Variants in SRGAP3 observed in about 807,000 individuals in gnomAD.
SRGAP3 encodes SLIT-ROBO Rho GTPase-activating protein 3.
In SRGAP3, 39 loss-of-function variants were observed where a neutral mutation model predicts 121.1. The ratio of observed to expected loss-of-function variants is 0.32; its 90% CI spans 0.25 to 0.42. The LOEUF (loss-of-function observed/expected upper bound fraction) is 0.42, where lower values mean the gene tolerates loss of function less well. Among genes scored for constraint, SRGAP3 ranks in the 10% least tolerant of loss-of-function variants. The pLI is 1.00. For synonymous variants in SRGAP3, 601 were observed against 570.0 expected (o/e 1.05, Z -0.77); for missense variants, 1,213 against 1,470.6 (o/e 0.82, Z 2.86).
intron 18 of SRGAP3, among the ~76,000 whole-genome samples, chr3:8,995,394 T>C (rs1261185235): frequency 6.6e-6 from 1 of 152,146 alleles, no homozygotes; most frequent in East Asian, 1.9e-4. Flanking sequence ...GAAGATCACT[T>C]GAGCCTGGGA....
At chr3:9,248,515 A>C (rs541036654) in intron 1 of SRGAP3, among the ~76,000 whole-genome samples, 2 of 152,258 alleles carry the variant, frequency 1.3e-5, no homozygotes, top group African/African-American at 4.8e-5. Flanking sequence ...CCCAATATTA[A>C]AGGGCTTTTA....
chr3:9,329,994 C>T (rs984552282), intron 2 of SRGAP3, among the ~76,000 whole-genome samples: 9 of 152,172 alleles, frequency 5.9e-5, no homozygotes, highest in Admixed American at 5.9e-4. Flanking sequence ...TGGAATGTTC[C>T]ACTGCAAGTT....
intron 3 of SRGAP3, among the ~76,000 whole-genome samples, chr3:9,260,951 C>T (rs1490345163): frequency 6.6e-6 from 1 of 152,206 alleles, no homozygotes; most frequent in Non-Finnish European, 1.5e-5. Flanking sequence ...TACAGGAGTG[C>T]TCCAGCTGGC....
chr3:9,259,982 GGTACAGCCCACAGA>G (rs1954218883), intron 3 of SRGAP3, among the ~76,000 whole-genome samples: 1 of 151,732 alleles, frequency 6.6e-6, no homozygotes, highest in Non-Finnish European at 1.5e-5. Context: ...TTAGACAGTG[GGTACAGCCCACAGA>G]GGGCAAGCAG....
chr3:8,994,244 C>A (rs1942250270), intron 19 of SRGAP3, 99 bp downstream of exon 19: 1 of 1,483,512 alleles, frequency 6.7e-7, no homozygotes, highest in African/African-American at 1.4e-5. Flanking sequence ...TCAAGGAGAG[C>A]AAATTGCTGG....
chr3:9,058,829 C>G (rs58432556), intron 6 of SRGAP3: 16,183 of 273,254 alleles, frequency 0.059, 2,615 homozygotes, highest in African/African-American at 0.33. Context: ...AATCGATTCT[C>G]CTGCCTCAGC....
intron 3 of SRGAP3, among the ~76,000 whole-genome samples, chr3:9,086,628 T>C (rs1324575886): frequency 6.9e-6 from 1 of 145,620 alleles, no homozygotes; most frequent in Admixed American, 6.9e-5. Flanking sequence ...AATATACACA[T>C]ATATACACCC....
At chr3:9,010,196 G>A (rs1943292162) in intron 18 of SRGAP3, 112 bp downstream of exon 18, 3 of 1,260,674 alleles carry the variant, frequency 2.4e-6, no homozygotes. Context: ...ACAGATGGCT[G>A]ACTTGGAAAG....
chr3:9,338,395 T>C (rs959913799), intron 1 of SRGAP3, among the ~76,000 whole-genome samples: 1 of 152,192 alleles, frequency 6.6e-6, no homozygotes, highest in Non-Finnish European at 1.5e-5. Context: ...CGGTTTAGAA[T>C]CATGGTAGAA....
rs548953865 is a variant in SRGAP3, at chr3:8,999,774, G to A, written c.2228-5251C>T. Among the ~76,000 whole-genome samples the A allele has an allele frequency of 2.0e-5, 3 of 152,206 alleles. No homozygotes were observed. In the South Asian group the frequency reaches 6.2e-4, roughly 32 times the overall value. ...TTCTTTGCATTCGGTGGTGGCACCA[G>A]CTGATATTGAGATTTAGATTTAATT... On this transcript the variant is annotated intron_variant, in intron 18 of 21. Coordinates refer to ENST00000383836, the MANE Select transcript of SRGAP3 (RefSeq NM_014850.4).
intron 1 of SRGAP3, among the ~76,000 whole-genome samples, chr3:9,205,999 G>A (rs1055196234): frequency 1.3e-5 from 2 of 152,164 alleles, no homozygotes; most frequent in African/African-American, 2.4e-5. Context: ...AGTATTTAAT[G>A]GGTGCAGAGT....
intron 3 of SRGAP3, among the ~76,000 whole-genome samples, chr3:9,302,881 A>T (rs1368861564): frequency 6.6e-6 from 1 of 152,156 alleles, no homozygotes; most frequent in African/African-American, 2.4e-5. Flanking sequence ...TCAGAATTCG[A>T]ATGGGTAAAA....
At chr3:9,309,224 G>A (rs538773627) in intron 3 of SRGAP3, among the ~76,000 whole-genome samples, 4 of 152,310 alleles carry the variant, frequency 2.6e-5, no homozygotes, top group Admixed American at 1.3e-4. Context: ...CCTTGGGTGA[G>A]ACCAGCAGAA....
Position 8,981,002 on chromosome 3 carries a change from C to T in SRGAP3, c.*4517G>A, listed in dbSNP as rs370256426. 2.1e-4 allele frequency: 48 copies of T among 233,346 alleles called. No individual in the cohort carries two copies. The South Asian group carries it at 8.3e-3, about 40-fold the overall frequency. 14.5% of individuals were successfully genotyped at this position (233,346 alleles called of 1,614,324 possible). On this transcript the variant is annotated 3_prime_UTR_variant, in exon 22 of 22. Coordinates refer to ENST00000383836, the MANE Select transcript of SRGAP3 (RefSeq NM_014850.4). ...ACTCTGGTTGTTCTGGTTCAAGGAA[C>T]AGCTTTGTTATTGGCCGGGGACAAC...
chr3:9,337,707 A>ACAAGTTACC (rs1955715513), intron 1 of SRGAP3: 1 of 152,272 alleles, frequency 6.6e-6, no homozygotes, highest in African/African-American at 2.4e-5. Context: ...TCAATTATTT[A>ACAAGTTACC]CAAGTTACCC....
intron 3 of SRGAP3, among the ~76,000 whole-genome samples, chr3:9,289,740 T>C (rs537909279): frequency 2.0e-4 from 30 of 152,288 alleles, no homozygotes; most frequent in African/African-American, 6.7e-4. Flanking sequence ...ATTAGACCCT[T>C]ACCTTGGACA....
intron 2 of SRGAP3, among the ~76,000 whole-genome samples, chr3:9,328,516 T>C (rs1200559977): frequency 2.0e-5 from 3 of 152,226 alleles, no homozygotes; most frequent in Non-Finnish European, 4.4e-5. Flanking sequence ...AAAGTCCTTT[T>C]AAAACTTCTT....
intron 3 of SRGAP3, among the ~76,000 whole-genome samples, chr3:9,286,872 G>A (rs563392084): frequency 6.6e-6 from 1 of 151,088 alleles, no homozygotes; most frequent in Admixed American, 6.6e-5. Context: ...AAAGTGCTGG[G>A]ATTACAGGCG....
At chr3:9,135,565 GTC>G (rs1429736620) in intron 1 of SRGAP3, among the ~76,000 whole-genome samples, 1 of 152,184 alleles carries the variant, frequency 6.6e-6, no homozygotes, top group African/African-American at 2.4e-5. Flanking sequence ...GTTGATTATT[GTC>G]TCTGCCGGAT....
Sources: gnomAD v4.1 joint callset for allele counts (sites outside exome capture counted in the v4.1 genomes callset) on GRCh38, gnomAD v4.1.1 for gene constraint, MANE v1.5 for transcripts, NCBI Gene and HGNC (gene_info 2026-07-23, HGNC 2026-07-21) for gene names.